CADM2: variants seen among roughly 807,000 people sequenced by gnomAD.
The protein encoded by CADM2 is immunoglobulin superfamily member 4D.
CADM2 carries 12 observed loss-of-function variants against 49.8 expected under a neutral mutation model. The ratio of observed to expected loss-of-function variants is 0.24; its 90% confidence interval spans 0.15 to 0.39. The LOEUF is 0.39. CADM2 is among the 10% of genes least tolerant of loss of function. The pLI is 1.00. For synonymous variants in CADM2, 214 were observed against 175.4 expected, an observed-to-expected ratio of 1.22 and a Z score of -1.74; for missense variants, 378 against 492.3, an observed-to-expected ratio of 0.77 and a Z score of 2.20.
intron 6 of CADM2, among the ~76,000 whole-genome samples, chr3:85,916,953 G>C (rs1031997000): frequency 1.3e-5 from 2 of 151,886 alleles, no homozygotes; most frequent in Admixed American, 1.3e-4. Flanking sequence ...TGTGTTTTTT[G>C]GCTGCATAAA....
At chr3:85,448,251 A>T (rs533749245) in intron 1 of CADM2, among the ~76,000 whole-genome samples, 8 of 151,284 alleles carry the variant, frequency 5.3e-5, no homozygotes, top group Non-Finnish European at 7.4e-5. Flanking sequence ...GAGAATGGCG[A>T]GAACCCGGAA....
chr3:85,184,274 G>T (rs2041002567), intron 1 of CADM2, among the ~76,000 whole-genome samples: 1 of 152,098 alleles, frequency 6.6e-6, no homozygotes, highest in Admixed American at 6.6e-5. Context: ...AGAAGCCAGT[G>T]GTGGTTTGCA....
At chr3:84,983,374 A>G (rs142862574) in intron 1 of CADM2, among the ~76,000 whole-genome samples, 1 of 145,146 alleles carries the variant, frequency 6.9e-6, no homozygotes, top group Non-Finnish European at 1.5e-5. Context: ...TTTTTTTTTC[A>G]TTGAAAATAC....
chr3:85,221,859 T>C (rs2042051831), intron 1 of CADM2, among the ~76,000 whole-genome samples: 1 of 152,152 alleles, frequency 6.6e-6, no homozygotes, highest in Non-Finnish European at 1.5e-5. Context: ...GTTGGACTAA[T>C]TGAGCTCTAG....
At chr3:85,048,450 T>G (rs942237595) in intron 1 of CADM2, among the ~76,000 whole-genome samples, 1 of 152,088 alleles carries the variant, frequency 6.6e-6, no homozygotes, top group Non-Finnish European at 1.5e-5. Context: ...GGAGAAGAGA[T>G]AAAATGATTA....
chr3:85,563,749 T>C (rs2062169446), intron 1 of CADM2, among the ~76,000 whole-genome samples: 2 of 152,126 alleles, frequency 1.3e-5, no homozygotes, highest in Admixed American at 1.3e-4. Flanking sequence ...CGGTGATGAC[T>C]AGCAACCGAA....
chr3:85,422,892 G>T (rs1188216348), intron 1 of CADM2, among the ~76,000 whole-genome samples: 1 of 151,980 alleles, frequency 6.6e-6, no homozygotes, highest in Non-Finnish European at 1.5e-5. Context: ...CCTGTCATCC[G>T]GTAACAGCTT....
intron 1 of CADM2, among the ~76,000 whole-genome samples, chr3:85,219,401 T>C (rs2041998089): frequency 6.6e-6 from 1 of 152,158 alleles, no homozygotes; most frequent in Admixed American, 6.5e-5. Context: ...TTCAAAACTG[T>C]TAAATTCAAA....
At chr3:85,920,364 T>C (rs1461678396) in intron 6 of CADM2, among the ~76,000 whole-genome samples, 1 of 151,854 alleles carries the variant, frequency 6.6e-6, no homozygotes, top group Non-Finnish European at 1.5e-5. Flanking sequence ...TAAACTGTTC[T>C]TTTGACAAAC....
At chr3:86,003,082 A>G (rs1261965537) in intron 8 of CADM2, among the ~76,000 whole-genome samples, 1 of 152,218 alleles carries the variant, frequency 6.6e-6, no homozygotes, top group Non-Finnish European at 1.5e-5. Flanking sequence ...GAAAACAGAG[A>G]TAGTATCCTC....
intron 1 of CADM2, among the ~76,000 whole-genome samples, chr3:85,090,367 A>G (rs1157218735): frequency 6.6e-6 from 1 of 152,180 alleles, no homozygotes; most frequent in African/African-American, 2.4e-5. Context: ...GACATTGACA[A>G]TGACCACTTA....
At chr3:85,359,624 A>C (rs2032157933) in intron 1 of CADM2, among the ~76,000 whole-genome samples, 1 of 116,258 alleles carries the variant, frequency 8.6e-6, no homozygotes, top group Non-Finnish European at 1.8e-5. Context: ...TTTTTATTCC[A>C]GGCCAATGTC....
intron 5 of CADM2, among the ~76,000 whole-genome samples, chr3:85,894,005 C>T (rs1484393130): frequency 6.6e-6 from 1 of 152,102 alleles, no homozygotes; most frequent in African/African-American, 2.4e-5. Flanking sequence ...GGGTATATAC[C>T]CAAAGGATTA....
intron 1 of CADM2, among the ~76,000 whole-genome samples, chr3:84,965,251 G>A (rs370532988): frequency 4.6e-5 from 7 of 152,280 alleles, no homozygotes; most frequent in East Asian, 1.9e-4. Flanking sequence ...TGTGTAAAGA[G>A]GTGGGTGAGG....
At chr3:85,999,590 G>A (rs985307072) in intron 8 of CADM2, among the ~76,000 whole-genome samples, 5 of 148,088 alleles carry the variant, frequency 3.4e-5, no homozygotes, top group African/African-American at 1.2e-4. Context: ...AGGGAGGGAG[G>A]GAGAGGGAGG....
At chr3:85,044,441 T>A (rs763527687) in intron 1 of CADM2, among the ~76,000 whole-genome samples, 1 of 152,144 alleles carries the variant, frequency 6.6e-6, no homozygotes, top group Non-Finnish European at 1.5e-5. Context: ...CACAGAGAAT[T>A]TTAGGTCAGT....
intron 8 of CADM2, among the ~76,000 whole-genome samples, chr3:86,042,262 A>T (rs1459816726): frequency 1.3e-5 from 2 of 152,148 alleles, no homozygotes; most frequent in Non-Finnish European, 1.5e-5. Context: ...GACACAAAAA[A>T]CCCTTCAAAA....
At chr3:85,031,991 G>GTTTTTTATCATTTATTTATCATT in intron 1 of CADM2, among the ~76,000 whole-genome samples, 1 of 151,992 alleles carries the variant, frequency 6.6e-6, no homozygotes, top group Non-Finnish European at 1.5e-5. Flanking sequence ...GATACATACT[G>GTTTTTTATCATTTATTTATCATT]TATTTATCAT....
In CADM2 at chr3:86,072,483, T is replaced by C. The variant is rs1703342061; in HGVS notation, c.*5700T>C. On this transcript the variant is annotated 3_prime_UTR_variant, in exon 10 of 10. Coordinates refer to ENST00000383699, the MANE Select transcript of CADM2 (RefSeq NM_001167675.2). ...TTTCAAAAGAAGAAAAGTTAAAAGATATTTGAAGATTGCAGGGGCAAAACA... is the reference window on the plus strand; with the variant it reads ...TTTCAAAAGAAGAAAAGTTAAAAGACATTTGAAGATTGCAGGGGCAAAACA... The C allele has an allele frequency of 6.6e-6, 1 of 151,532 alleles. No homozygotes were observed. Among genetic ancestry groups the C allele is most frequent in the Non-Finnish European group, 1.5e-5 (1 of 67,870 alleles). The allele number at this position is 151,532 out of a possible 1,614,324, so 9.4% of individuals were successfully genotyped here. A position where few individuals can be genotyped will look rare whatever the true frequency, so the allele number is the denominator to read the frequency against.
Sources: allele counts gnomAD v4.1 joint callset (sites outside exome capture counted in the v4.1 genomes callset), GRCh38; gene constraint gnomAD v4.1.1; transcripts MANE v1.5; gene names NCBI Gene and HGNC (gene_info 2026-07-23, HGNC 2026-07-21).